CNTNAP5: variants seen among roughly 807,000 people sequenced by gnomAD.
The protein encoded by CNTNAP5 is contactin associated protein family member 5.
In CNTNAP5, 72 loss-of-function variants were observed where a neutral mutation model predicts 150.2. That is an observed-to-expected ratio of 0.48 (90% CI 0.40 to 0.58). The LOEUF is 0.58. CNTNAP5 is among the 20% of genes least tolerant of loss of function. The probability of loss-of-function intolerance (pLI) is 0.00; values close to 1 mark genes in which losing one functional copy is unlikely to be tolerated. For missense variants in CNTNAP5, 1,636 were observed against 1,626.2 expected (o/e 1.01, Z -0.10); for synonymous variants, 672 against 619.8 (o/e 1.08, Z -1.25).
At chr2:124,221,593 C>G in intron 1 of CNTNAP5, 112 bp from the exon 2 acceptor site, 1 of 710,048 alleles carries the variant, frequency 1.4e-6, no homozygotes, top group East Asian at 2.8e-5. Context: ...TGACCTTGTT[C>G]AGAGCAGGTG....
intron 3 of CNTNAP5, among the ~76,000 whole-genome samples, chr2:124,311,741 G>A (rs559497013): frequency 5.3e-5 from 8 of 152,266 alleles, no homozygotes; most frequent in African/African-American, 7.2e-5. Context: ...TGACGGTCAC[G>A]TGTATTCACT....
chr2:124,797,293 C>G (rs1681867538), intron 18 of CNTNAP5, among the ~76,000 whole-genome samples: 1 of 152,184 alleles, frequency 6.6e-6, no homozygotes, highest in Non-Finnish European at 1.5e-5. Flanking sequence ...TGTGCTAGAG[C>G]ATTCTTCAAG....
At chr2:124,571,527 C>CTTTTTCTTTTTCTCTTTTTTTTTTTTTTT in intron 11 of CNTNAP5, among the ~76,000 whole-genome samples, 1 of 46,850 alleles carries the variant, frequency 2.1e-5, no homozygotes, top group African/African-American at 1.0e-4. Context: ...TTTCTTTTTT[C>CTTTTTCTTTTTCTCTTTTTTTTTTTTTTT]TTTTTTTTTT....
At chr2:124,224,119 G>C (rs1686398766) in intron 2 of CNTNAP5, among the ~76,000 whole-genome samples, 1 of 151,980 alleles carries the variant, frequency 6.6e-6, no homozygotes, top group Non-Finnish European at 1.5e-5. Context: ...GTCTTGGATG[G>C]GACCCAAGCA....
chr2:124,681,500 T>C (rs987211628), intron 13 of CNTNAP5, among the ~76,000 whole-genome samples: 6 of 152,144 alleles, frequency 3.9e-5, no homozygotes, highest in African/African-American at 1.4e-4. Flanking sequence ...GTCTATTCTG[T>C]TTTCCTGGGA....
intron 19 of CNTNAP5, among the ~76,000 whole-genome samples, chr2:124,814,927 G>A (rs1363494865): frequency 1.3e-5 from 2 of 152,198 alleles, no homozygotes; most frequent in African/African-American, 4.8e-5. Context: ...CAAGTCATCA[G>A]CTCCGTAATG....
intron 8 of CNTNAP5, 61 bp from the exon 9 acceptor site, chr2:124,524,242 C>T: frequency 6.4e-7 from 1 of 1,566,852 alleles, no homozygotes; most frequent in Non-Finnish European, 8.8e-7. Context: ...GAAATGAGCC[C>T]CCTCTCTCTA....
At chr2:124,662,588 G>A (rs1678615277) in intron 13 of CNTNAP5, among the ~76,000 whole-genome samples, 1 of 152,182 alleles carries the variant, frequency 6.6e-6, no homozygotes, top group African/African-American at 2.4e-5. Context: ...GAAGTAAATT[G>A]CCTGAAGTCT....
chr2:124,197,371 C>T (rs1028918816), intron 1 of CNTNAP5, among the ~76,000 whole-genome samples: 3 of 152,174 alleles, frequency 2.0e-5, no homozygotes, highest in Non-Finnish European at 4.4e-5. Context: ...GTTGACTTTT[C>T]AGGCAATATT....
At chr2:124,753,603 T>C (rs925433157) in intron 14 of CNTNAP5, among the ~76,000 whole-genome samples, 1 of 152,222 alleles carries the variant, frequency 6.6e-6, no homozygotes. Flanking sequence ...TCATTTACCA[T>C]CATATATTCC....
chr2:124,518,570 A>G (rs1457113220), intron 8 of CNTNAP5, among the ~76,000 whole-genome samples: 1 of 152,190 alleles, frequency 6.6e-6, no homozygotes, highest in African/African-American at 2.4e-5. Flanking sequence ...TTCCAATTCT[A>G]TATGCACACC....
chr2:124,528,696 G>A lies in CNTNAP5; in HGVS notation c.1649+1240G>A, dbSNP rs182873368. Among the ~76,000 whole-genome samples, 263 of 152,274 alleles carry A rather than the reference G, an allele frequency of 1.7e-3. 1 individual carries two copies. Among genetic ancestry groups the A allele is most frequent in the Middle Eastern group, 0.014 (4 of 294 alleles). ...TGAATAAGTCCAGAGATGTGGGGCA[G>A]GACCAGTCATGAAGGACTTTGTGTA... On this transcript the variant is annotated intron_variant, in intron 10 of 23. Coordinates refer to ENST00000682447, the MANE Select transcript of CNTNAP5 (RefSeq NM_001367498.1).
rs563164423 is a variant in CNTNAP5, at chr2:124,894,876, A to C, written c.3437-8006A>C. The stretch of plus-strand genomic sequence containing the variant: ...CCTTCAAGTCCCAGTCTTAATGCCA[A>C]CAAAGTGATTTTTATATAAAAATAA... On this transcript the variant is annotated intron_variant, in intron 21 of 23. Transcript: ENST00000682447. 4.6e-5 allele frequency among the ~76,000 whole-genome samples: 7 copies of C among 151,572 alleles called. No homozygotes were observed. In the South Asian group the frequency reaches 1.5e-3, roughly 31 times the overall value.
intron 2 of CNTNAP5, among the ~76,000 whole-genome samples, chr2:124,227,439 ACT>A (rs2104747936): frequency 6.6e-6 from 1 of 152,108 alleles, no homozygotes; most frequent in Non-Finnish European, 1.5e-5. Context: ...TCACATACAC[ACT>A]CACAAACACA....
At chr2:124,259,416 C>A (rs1687396899) in intron 3 of CNTNAP5, among the ~76,000 whole-genome samples, 1 of 152,228 alleles carries the variant, frequency 6.6e-6, no homozygotes, top group Non-Finnish European at 1.5e-5. Flanking sequence ...AGTTCTAGAT[C>A]CCTGGGGAAT....
intron 1 of CNTNAP5, among the ~76,000 whole-genome samples, chr2:124,132,314 T>C (rs1379459519): frequency 6.6e-6 from 1 of 152,186 alleles, no homozygotes; most frequent in Non-Finnish European, 1.5e-5. Context: ...GTTGGCTTCA[T>C]AAAGTGCAGA....
intron 3 of CNTNAP5, among the ~76,000 whole-genome samples, chr2:124,302,528 G>A (rs1044699992): frequency 6.6e-6 from 1 of 152,114 alleles, no homozygotes; most frequent in Non-Finnish European, 1.5e-5. Context: ...GAGAGTGAGA[G>A]AGGAAAAGTA....
rs538889837 is a variant in CNTNAP5 at position 124,895,603 on chromosome 2, T to A, written c.3437-7279T>A. ...TCTTACCATTTCACTTCAGCCTGGG[T>A]GACAGAGCAAGACCCTGTCTCAAAA... On this transcript the variant is annotated intron_variant, in intron 21 of 23. Coordinates refer to ENST00000682447, the MANE Select transcript of CNTNAP5 (RefSeq NM_001367498.1). Among the ~76,000 whole-genome samples the A allele has an allele frequency of 3.9e-4, 59 of 151,644 alleles. 3 individuals are homozygous for A. The highest frequency in any genetic ancestry group is 1.3e-3 in the African/African-American group (54 of 40,978).
rs1472475096 is a variant in CNTNAP5, at chr2:124,222,299, G to A, written c.187+490G>A. ...ACCAGCTAGAAATAACTGTAGTTAA[G>A]TATATGGTGTTTATCTTTAACATCT... On this transcript the variant is annotated intron_variant, in intron 2 of 23. Transcript: ENST00000682447. Among the ~76,000 whole-genome samples, 4 of 151,998 alleles carry A rather than the reference G, an allele frequency of 2.6e-5. No individual in the cohort carries two copies. The East Asian group carries it at 7.7e-4, about 29-fold the overall frequency.
Sources: allele counts gnomAD v4.1 joint callset (sites outside exome capture counted in the v4.1 genomes callset), GRCh38; gene constraint gnomAD v4.1.1; transcripts MANE v1.5; gene names NCBI Gene and HGNC (gene_info 2026-07-23, HGNC 2026-07-21).